The following MPC2 variants were observed in gnomAD, a reference collection of about 807,000 sequenced individuals.
MPC2 encodes brain protein 44.
In MPC2, 19 loss-of-function variants were observed where a neutral mutation model predicts 19.2. The ratio of observed to expected loss-of-function variants is 0.99; its 90% CI spans 0.69 to 1.45. The LOEUF (loss-of-function observed/expected upper bound fraction) is 1.45, where lower values mean the gene tolerates loss of function less well. Among genes scored for constraint, MPC2 ranks in the 40% most tolerant of loss-of-function variants. The probability of loss-of-function intolerance (pLI) is 0.00; values close to 1 mark genes in which losing one functional copy is unlikely to be tolerated. For synonymous variants in MPC2, 61 were observed against 54.3 expected, an observed-to-expected ratio of 1.12 and a Z score of -0.54; for missense variants, 122 against 153.0, an observed-to-expected ratio of 0.80 and a Z score of 1.07.
intron 2 of MPC2, among the ~76,000 whole-genome samples, chr1:167,927,054 C>T (rs537586268): frequency 5.9e-4 from 90 of 152,304 alleles, no homozygotes; most frequent in African/African-American, 2.1e-3. Context: ...TCTTCCTTGA[C>T]AAATAATAGG....
intron 2 of MPC2, among the ~76,000 whole-genome samples, chr1:167,926,640 G>C (rs549170279): frequency 1.3e-5 from 2 of 151,998 alleles, no homozygotes; most frequent in Non-Finnish European, 2.9e-5. Flanking sequence ...TGCTGCCGCT[G>C]CTGCTGCCGT....
At chr1:167,936,409 G>C (rs913972581) in intron 1 of MPC2, 2 of 178,522 alleles carry the variant, frequency 1.1e-5, no homozygotes, top group Admixed American at 1.2e-4. Context: ...GGAGACTCGT[G>C]AGCGAGAGAC....
At chr1:167,925,464 T>TATATATAC (rs1670721133) in intron 2 of MPC2, among the ~76,000 whole-genome samples, 1 of 116,646 alleles carries the variant, frequency 8.6e-6, no homozygotes, top group African/African-American at 4.0e-5. Flanking sequence ...TATATATATA[T>TATATATAC]ATATATATAT....
intron 2 of MPC2, among the ~76,000 whole-genome samples, chr1:167,927,404 T>C (rs1670787797): frequency 6.6e-6 from 1 of 152,238 alleles, no homozygotes; most frequent in Non-Finnish European, 1.5e-5. Context: ...TTCTTTGTCA[T>C]ACACAGTGTC....
intron 1 of MPC2, chr1:167,936,550 G>A (rs183646367): frequency 2.1e-5 from 6 of 280,438 alleles, no homozygotes; most frequent in East Asian, 2.3e-4. Context: ...AGTCCCCAGG[G>A]TGGTCGTCAT....
intron 2 of MPC2, among the ~76,000 whole-genome samples, chr1:167,933,144 T>C (rs1433311390): frequency 6.6e-6 from 1 of 151,676 alleles, no homozygotes; most frequent in African/African-American, 2.4e-5. Context: ...AACTAAAATA[T>C]GTATCTATAC....
In MPC2 at chr1:167,935,829, C is replaced by G. The variant is rs760077800; in HGVS notation, c.13G>C (p.Gly5Arg). Reference protein sequence around the residue: MSAAGARGLRATYHR... With the variant: MSAARARGLRATYHR... Reference sequence around the variant, plus strand: ...TAGGTGGCCCGCAGGCCTCGGGCACCGGCGGCCGACATCGCCGCCGAGGGA... The same window carrying G: ...TAGGTGGCCCGCAGGCCTCGGGCACGGGCGGCCGACATCGCCGCCGAGGGA... The change falls in exon 2 of 6, where the codon GGT becomes CGT. Residue 5 changes from glycine to arginine, a missense_variant. Coordinates refer to ENST00000271373, the MANE Select transcript of MPC2 (RefSeq NM_001143674.4). The G allele has an allele frequency of 6.4e-7, 1 of 1,551,718 alleles. No individual in the cohort carries two copies. Among genetic ancestry groups the G allele is most frequent in the South Asian group, 1.2e-5 (1 of 84,218 alleles).
At position 167,917,976 on chromosome 1, in the gene MPC2, A is replaced by G. The variant is rs528096840; in HGVS notation, c.*347T>C. ...CTAGCTACCTGACCATCCTACACTA[A>G]ATAAGCAGATAATTTAATCTTCCAA... On this transcript the variant is annotated 3_prime_UTR_variant, in exon 6 of 6. Coordinates refer to ENST00000271373, the MANE Select transcript of MPC2 (RefSeq NM_001143674.4). The G allele has an allele frequency of 2.8e-4, 51 of 183,352 alleles. No individual in the cohort carries two copies. Among genetic ancestry groups the G allele is most frequent in the Middle Eastern group, 2.1e-3 (1 of 480 alleles). 11.4% of individuals were successfully genotyped at this position (183,352 alleles called of 1,614,324 possible). A position where few individuals can be genotyped will look rare whatever the true frequency, so the allele number is the denominator to read the frequency against.
chr1:167,921,599 T>G (rs190705052), intron 3 of MPC2, among the ~76,000 whole-genome samples: 292 of 152,330 alleles, frequency 1.9e-3, no homozygotes, highest in Middle Eastern at 3.4e-3. Flanking sequence ...ACTGTCTCTA[T>G]TGCACTCATG....
rs960462662 is a variant in MPC2, at chr1:167,918,144, G to A, written c.*179C>T. 2.0e-6 allele frequency: 1 copy of A among 511,828 alleles called. No homozygotes were observed. The highest frequency in any genetic ancestry group is 3.5e-6 in the Non-Finnish European group (1 of 289,786). 31.7% of individuals were successfully genotyped at this position (511,828 alleles called of 1,614,324 possible). A position where few individuals can be genotyped will look rare whatever the true frequency, so the allele number is the denominator to read the frequency against. On this transcript the variant is annotated 3_prime_UTR_variant, in exon 6 of 6. Coordinates refer to ENST00000271373, the MANE Select transcript of MPC2 (RefSeq NM_001143674.4). ...TAATATCCATAGATAAGTTCCTTAA[G>A]TCATGTAGAGAGACTGTTATTAAAA...
intron 3 of MPC2, among the ~76,000 whole-genome samples, chr1:167,923,685 T>C (rs137865666): frequency 1.3e-5 from 2 of 152,048 alleles, no homozygotes; most frequent in East Asian, 1.9e-4. Context: ...AAGTTTTATA[T>C]GTATTTTACC....
intron 5 of MPC2, 90 bp downstream of exon 5, chr1:167,919,889 C>T (rs1180669852): frequency 7.9e-6 from 6 of 761,690 alleles, no homozygotes; most frequent in Non-Finnish European, 1.3e-5. Flanking sequence ...GCCTGGGCAA[C>T]AGAGCGAGAC....
intron 2 of MPC2, among the ~76,000 whole-genome samples, chr1:167,935,301 AG>A (rs1557858751): frequency 1.3e-5 from 2 of 152,244 alleles, no homozygotes; most frequent in Non-Finnish European, 2.9e-5. Flanking sequence ...CAGCAGCTGA[AG>A]AAAGTGACCT....
chr1:167,931,819 T>G (rs1670920295), intron 2 of MPC2, among the ~76,000 whole-genome samples: 1 of 152,224 alleles, frequency 6.6e-6, no homozygotes, highest in Admixed American at 6.5e-5. Flanking sequence ...AGATATTTCC[T>G]TATAAACACT....
At chr1:167,926,992 T>A (rs575482673) in intron 2 of MPC2, among the ~76,000 whole-genome samples, 1 of 152,242 alleles carries the variant, frequency 6.6e-6, no homozygotes, top group Admixed American at 6.5e-5. Context: ...TCTGTTAAAA[T>A]GATTATTTAT....
At chr1:167,921,680 A>T (rs983407835) in intron 3 of MPC2, among the ~76,000 whole-genome samples, 6 of 152,116 alleles carry the variant, frequency 3.9e-5, no homozygotes, top group Non-Finnish European at 8.8e-5. Context: ...TATTTATGCC[A>T]GTTTTACTTG....
Position 167,920,542 on chromosome 1 carries a change from T to C in MPC2, c.235+5A>G, listed in dbSNP as rs776569129. The C allele has an allele frequency of 1.9e-6, 3 of 1,612,134 alleles. No individual in the cohort carries two copies. Among genetic ancestry groups the C allele is most frequent in the African/African-American group, 2.7e-5 (2 of 74,844 alleles). On this transcript the variant is annotated splice_donor_5th_base_variant and intron_variant, in intron 4 of 5. Transcript: ENST00000271373. Reference sequence around the variant, plus strand: ...AGAAACACAGAAGATATTTATTTAATTTACCTGTAGCCATCAAAACAGCAG... The same window carrying C: ...AGAAACACAGAAGATATTTATTTAACTTACCTGTAGCCATCAAAACAGCAG...
At chr1:167,924,364 A>AT in intron 3 of MPC2, 133 bp downstream of exon 3, 1 of 662,066 alleles carries the variant, frequency 1.5e-6, no homozygotes, top group Non-Finnish European at 2.4e-6. Flanking sequence ...GTCTGAGAAT[A>AT]TTTGCCATGA....
chr1:167,927,992 G>A (rs1218016254), intron 2 of MPC2, among the ~76,000 whole-genome samples: 1 of 152,038 alleles, frequency 6.6e-6, no homozygotes, highest in East Asian at 1.9e-4. Flanking sequence ...TAAAAGATGT[G>A]GACAAGTGAC....
Sources: gnomAD v4.1 joint callset for allele counts (sites outside exome capture counted in the v4.1 genomes callset) on GRCh38, gnomAD v4.1.1 for gene constraint, MANE v1.5 for transcripts, NCBI Gene and HGNC (gene_info 2026-07-23, HGNC 2026-07-21) for gene names.